CCDC175: variants seen among roughly 807,000 people sequenced by gnomAD.
CCDC175 encodes the protein coiled-coil domain containing 175.
A neutral mutation model predicts 114.6 loss-of-function variants in CCDC175; 100 were observed. That is an observed-to-expected ratio of 0.87 (90% CI 0.74 to 1.03). The LOEUF (loss-of-function observed/expected upper bound fraction) is 1.03, where lower values mean the gene tolerates loss of function less well. CCDC175 is among the 50% of genes least tolerant of loss of function. CCDC175 has a pLI of 0.00. For missense variants in CCDC175, 880 were observed against 917.8 expected (o/e 0.96, Z 0.53); for synonymous variants, 306 against 308.7 (o/e 0.99, Z 0.09).
intron 19 of CCDC175, among the ~76,000 whole-genome samples, chr14:59,508,399 TACACACACACACACACAC>T (rs71451066): frequency 4.1e-5 from 4 of 97,348 alleles, no homozygotes; most frequent in South Asian, 4.6e-4. Context: ...GTCTCCAAAA[TACACACACACACACACAC>T]ACACACACAC....
intron 19 of CCDC175, among the ~76,000 whole-genome samples, chr14:59,506,420 T>A (rs1227297429): frequency 6.6e-6 from 1 of 151,772 alleles, no homozygotes; most frequent in Non-Finnish European, 1.5e-5. Flanking sequence ...CCCAAGCAGC[T>A]GGGATTATAG....
chr14:59,505,091 A>G lies in CCDC175; in HGVS notation c.*148T>C. 1 of 442,894 alleles carries G rather than the reference A, an allele frequency of 2.3e-6. No homozygotes were observed. The allele number at this position is 442,894 out of a possible 1,614,324, so 27.4% of individuals were successfully genotyped here. The stretch of plus-strand genomic sequence containing the variant: ...ATCCATTTTTATTGTTTAGAAGTTT[A>G]TTTACTGATACTTGGTGGAGGTTGT... On this transcript the variant is annotated 3_prime_UTR_variant, in exon 20 of 20. Coordinates refer to ENST00000537690, the MANE Select transcript of CCDC175 (RefSeq NM_001164399.2).
intron 15 of CCDC175, 73 bp downstream of exon 15, chr14:59,527,022 G>T: frequency 2.6e-6 from 2 of 772,680 alleles, no homozygotes. Flanking sequence ...TCAATGCCAG[G>T]TAAATACTAC....
At chr14:59,515,633 T>C (rs1262881238) in intron 17 of CCDC175, among the ~76,000 whole-genome samples, 1 of 152,166 alleles carries the variant, frequency 6.6e-6, no homozygotes, top group South Asian at 2.1e-4. Context: ...TAAATATATA[T>C]GCACCCAATA....
intron 17 of CCDC175, among the ~76,000 whole-genome samples, chr14:59,515,188 A>G (rs2139964600): frequency 6.6e-6 from 1 of 152,304 alleles, no homozygotes; most frequent in South Asian, 2.1e-4. Context: ...GAAAGGAACA[A>G]CTGGTACCAG....
intron 6 of CCDC175, among the ~76,000 whole-genome samples, chr14:59,563,212 C>G (rs758757537): frequency 6.6e-6 from 1 of 152,126 alleles, no homozygotes; most frequent in Non-Finnish European, 1.5e-5. Flanking sequence ...TCACAAAATA[C>G]TTACCACAGT....
chr14:59,552,159 C>G (rs1157307011), intron 7 of CCDC175, among the ~76,000 whole-genome samples: 2 of 152,258 alleles, frequency 1.3e-5, no homozygotes, highest in African/African-American at 2.4e-5. Context: ...TGAGAACAGA[C>G]AGACTGCCTC....
chr14:59,525,550 G>T, intron 15 of CCDC175, 116 bp from the exon 16 acceptor site: 1 of 672,164 alleles, frequency 1.5e-6, no homozygotes, highest in Non-Finnish European at 2.3e-6. Context: ...GAAGTATCCA[G>T]CAGAGGATAG....
At chr14:59,558,390 G>T (rs966954655) in intron 7 of CCDC175, among the ~76,000 whole-genome samples, 2 of 152,206 alleles carry the variant, frequency 1.3e-5, no homozygotes, top group African/African-American at 4.8e-5. Flanking sequence ...GAAGGCTCTG[G>T]TGGTGATCCA....
intron 6 of CCDC175, among the ~76,000 whole-genome samples, chr14:59,563,520 C>A (rs1302686727): frequency 1.3e-5 from 2 of 152,022 alleles, no homozygotes; most frequent in Admixed American, 1.3e-4. Flanking sequence ...CCATCAAATG[C>A]AGTTTGTATC....
intron 17 of CCDC175, among the ~76,000 whole-genome samples, chr14:59,512,665 C>T (rs1892820284): frequency 6.6e-6 from 1 of 152,120 alleles, no homozygotes; most frequent in Admixed American, 6.6e-5. Flanking sequence ...TACAGCTGCA[C>T]AATTTTTTTG....
chr14:59,545,363 A>G, intron 8 of CCDC175, 64 bp from the exon 9 acceptor site: 1 of 1,448,814 alleles, frequency 6.9e-7, no homozygotes, highest in Non-Finnish European at 9.2e-7. Context: ...GGCCATCTGC[A>G]TCAGGTGGCA....
Position 59,506,035 on chromosome 14 carries a change from G to C in CCDC175, c.2306-720C>G, listed in dbSNP as rs566128009. On this transcript the variant is annotated intron_variant, in intron 19 of 19. Coordinates refer to ENST00000537690, the MANE Select transcript of CCDC175 (RefSeq NM_001164399.2). ...GTCATATTGGTGCTGAAAAAGCTTT[G>C]AGTTTTGGAGCACTTTGGATTTTTG... Among the ~76,000 whole-genome samples, 5 of 152,194 alleles carry C rather than the reference G, an allele frequency of 3.3e-5. No individual in the cohort carries two copies. The South Asian group carries it at 8.3e-4, about 25-fold the overall frequency.
At chr14:59,569,577 G>T (rs917792957) in intron 3 of CCDC175, among the ~76,000 whole-genome samples, 4 of 152,088 alleles carry the variant, frequency 2.6e-5, no homozygotes, top group African/African-American at 9.7e-5. Context: ...ACCCAATCTA[G>T]AAACTAAAGA....
At chr14:59,517,454 T>G (rs1216546988) in intron 17 of CCDC175, among the ~76,000 whole-genome samples, 1 of 152,238 alleles carries the variant, frequency 6.6e-6, no homozygotes, top group African/African-American at 2.4e-5. Flanking sequence ...CTTAAGCTGA[T>G]AGGCAACTTC....
chr14:59,571,165 A>AAAT (rs1191973738), intron 3 of CCDC175, among the ~76,000 whole-genome samples: 3 of 151,890 alleles, frequency 2.0e-5, no homozygotes, highest in African/African-American at 7.2e-5. Context: ...AAAAAAAAAA[A>AAAT]AAGAGATCGA....
At chr14:59,533,062 A>T (rs1201768950) in intron 13 of CCDC175, among the ~76,000 whole-genome samples, 1 of 152,242 alleles carries the variant, frequency 6.6e-6, no homozygotes, top group Non-Finnish European at 1.5e-5. Context: ...AAGACAGCAG[A>T]CCAGTGGCTG....
chr14:59,544,161 G>GT (rs199668027), intron 9 of CCDC175, among the ~76,000 whole-genome samples: 3,373 of 151,774 alleles, frequency 0.022, 80 homozygotes, highest in Admixed American at 0.062. Flanking sequence ...ATTGATAAGG[G>GT]TTTTTTTTGT....
At chr14:59,557,059 G>C (rs540564067) in intron 7 of CCDC175, among the ~76,000 whole-genome samples, 34 of 152,158 alleles carry the variant, frequency 2.2e-4, no homozygotes, top group Admixed American at 1.6e-3. Context: ...ACAGTGTGGC[G>C]ATTGCTCAGG....
Sources: gnomAD v4.1 joint callset for allele counts (sites outside exome capture counted in the v4.1 genomes callset) on GRCh38, gnomAD v4.1.1 for gene constraint, MANE v1.5 for transcripts, NCBI Gene and HGNC (gene_info 2026-07-23, HGNC 2026-07-21) for gene names.